Variants in WDR83 observed in about 807,000 individuals in gnomAD.
The protein encoded by WDR83 is WD repeat domain-containing protein 83.
A neutral mutation model predicts 37.7 loss-of-function variants in WDR83; 37 were observed. The ratio of observed to expected loss-of-function variants is 0.98; its 90% CI spans 0.76 to 1.29. The LOEUF is 1.29. Among genes scored for constraint, WDR83 ranks in the 50% most tolerant of loss-of-function variants. WDR83 has a pLI of 0.00. For missense variants in WDR83, 445 were observed against 414.4 expected, an observed-to-expected ratio of 1.07 and a Z score of -0.64; for synonymous variants, 174 against 181.1, an observed-to-expected ratio of 0.96 and a Z score of 0.31.
In WDR83 at chr19:12,670,565, G is replaced by C. The variant is rs564849668; in HGVS notation, c.333G>C (p.Lys111Asn). The C allele has an allele frequency of 1.2e-6, 2 of 1,614,212 alleles. No homozygotes were observed. The highest frequency in any genetic ancestry group is 2.7e-5 in the African/African-American group (2 of 75,066). The change falls in exon 6 of 11, where the codon AAG becomes AAC. Residue 111 changes from lysine (K) to asparagine (N), a missense_variant and splice_region_variant. Lys to Asn is a moderately conservative substitution (Grantham distance 94). Coordinates refer to ENST00000418543, the MANE Select transcript of WDR83 (RefSeq NM_001099737.3). ...VVRKFRGHAG[K>N]VNTVQFNEEA... is the part of the protein sequence containing the mutation. ...CTGAGTGGCAATAACTTTCTCAGAA[G>C]GTGAACACGGTGCAGTTTAATGAAG...
Position 12,669,759 on chromosome 19 carries a change from A to AT in WDR83, c.-29dup. ...GGCGCGGAATTTTCCGTACAGACCGATTTAAGGCTGCAAGGAAGGAGTCCT... is the reference window on the plus strand; with the variant it reads ...GGCGCGGAATTTTCCGTACAGACCGATTTTAAGGCTGCAAGGAAGGAGTCCT... On this transcript the variant is annotated 5_prime_UTR_variant, in exon 3 of 11. An upstream open reading frame in the 5' UTR gains an earlier in-frame stop. Transcript: ENST00000418543. 1 of 1,560,550 alleles carries AT rather than the reference A, an allele frequency of 6.4e-7. No homozygotes were observed. The highest frequency in any genetic ancestry group is 8.7e-7 in the Non-Finnish European group (1 of 1,154,052).
chr19:12,675,591 GC>G lies in WDR83; in HGVS notation c.870del (p.Cys291AlafsTer3). On this transcript the variant is annotated frameshift_variant, in exon 11 of 11. Transcript: ENST00000418543. LOFTEE classifies it high-confidence loss of function. Reference sequence around the variant, plus strand: ...AGTCGCTGGCCTACCACCCAACAGAGCCCTGCCTGCTGACCGCCATGGGAGG... The same window carrying G: ...AGTCGCTGGCCTACCACCCAACAGAGCCTGCCTGCTGACCGCCATGGGAGG... ...VQSLAYHPTE[P>X]CLLTAMGGSV... 6.2e-7 allele frequency: 1 copy of G among 1,605,480 alleles called. No homozygotes were observed.
rs375173130 is a variant in WDR83, at chr19:12,670,335, G to A, written c.330+50G>A. On this transcript the variant is annotated intron_variant, in intron 5 of 10. Coordinates refer to ENST00000418543, the MANE Select transcript of WDR83 (RefSeq NM_001099737.3). ...ATTTGAGTGGAGGGGACCCGTATTA[G>A]CGCATAGGTGGTGACACGGCCACCC... The A allele has an allele frequency of 3.8e-5, 61 of 1,588,226 alleles. No homozygotes were observed. In the African/African-American group the frequency reaches 7.5e-4, roughly 20 times the overall value.
chr19:12,669,600 A>G (rs1258541917), intron 2 of WDR83, 155 bp from the exon 3 acceptor site: 2 of 924,128 alleles, frequency 2.2e-6, no homozygotes, highest in African/African-American at 1.7e-5. Context: ...GAAAATGGGG[A>G]AAAGAACCTG....
chr19:12,668,275 G>T, intron 1 of WDR83: 1 of 1,403,454 alleles, frequency 7.1e-7, no homozygotes, highest in Non-Finnish European at 9.8e-7. Context: ...GTCCAGGATG[G>T]CAGCTGAAGG....
At chr19:12,673,155 T>C (rs2145322339) in intron 9 of WDR83, 39 bp downstream of exon 9, 2 of 1,611,536 alleles carry the variant, frequency 1.2e-6, no homozygotes, top group Non-Finnish European at 1.7e-6. Flanking sequence ...TTCCCTCCTC[T>C]CCCACCCCTG....
intron 2 of WDR83, chr19:12,669,430 C>T (rs866602352): frequency 6.3e-7 from 1 of 1,580,532 alleles, no homozygotes; most frequent in South Asian, 1.1e-5. Context: ...GATCACGCCT[C>T]TTCCGCTGCA....
intron 7 of WDR83, chr19:12,672,637 A>G: frequency 1.7e-6 from 1 of 586,590 alleles, no homozygotes. Context: ...GGGGAATCAG[A>G]AGGACTCCAA....
Position 12,670,775 on chromosome 19 carries a change from G to C in WDR83, c.460G>C (p.Asp154His). 1.2e-6 allele frequency: 2 copies of C among 1,614,192 alleles called. No homozygotes were observed. The highest frequency in any genetic ancestry group is 1.1e-5 in the South Asian group (1 of 91,080). ...AGTGCAGACGCTGGATGAGGCCAGA[G>C]ATGGCGTGTCCAGTGTGAAGGTGTC... The part of the protein sequence containing the change: ...EPVQTLDEAR[D>H]GVSSVKVSDH... Residue 154 changes from aspartate (D) to histidine (H), a missense_variant, in exon 7 of 11, where the codon GAT becomes CAT. Asp to His is a moderately conservative substitution (Grantham distance 81). Transcript: ENST00000418543.
chr19:12,669,701 A>G, intron 2 of WDR83, 54 bp from the exon 3 acceptor site: 1 of 1,347,412 alleles, frequency 7.4e-7, no homozygotes, highest in African/African-American at 1.5e-5. Flanking sequence ...AGGAAGAACA[A>G]TAATAAGGTT....
In WDR83 at chr19:12,669,459, G is replaced by C. The variant is rs549133539; in HGVS notation, c.-36-296G>C. Reference sequence around the variant, plus strand: ...CGCTGCAGGAATCGCAGCTTCCGGCGTGCAAGCTGAGGGCGGATTTTAGAG... The same window carrying C: ...CGCTGCAGGAATCGCAGCTTCCGGCCTGCAAGCTGAGGGCGGATTTTAGAG... On this transcript the variant is annotated intron_variant, in intron 2 of 10. Coordinates refer to ENST00000418543, the MANE Select transcript of WDR83 (RefSeq NM_001099737.3). 3.5e-5 allele frequency: 55 copies of C among 1,556,148 alleles called. 1 individual carries two copies. The highest frequency in any genetic ancestry group is 3.4e-5 in the Non-Finnish European group (39 of 1,148,802).
chr19:12,666,894 G>A lies in WDR83; in HGVS notation c.-255G>A. 1 of 600,202 alleles carries A rather than the reference G, an allele frequency of 1.7e-6. No individual in the cohort carries two copies. Among genetic ancestry groups the A allele is most frequent in the Non-Finnish European group, 2.9e-6 (1 of 341,324 alleles). 37.2% of individuals were successfully genotyped at this position (600,202 alleles called of 1,614,324 possible). On this transcript the variant is annotated 5_prime_UTR_variant, in exon 1 of 11. Transcript: ENST00000418543. ...AAGGTAGGAAAATGCCACCCTCAGG[G>A]CACTGGTTGGGCTAAAGGTGACACT...
chr19:12,669,780 G>A lies in WDR83; in HGVS notation c.-11G>A, dbSNP rs1326906953. 5.7e-6 allele frequency: 9 copies of A among 1,592,326 alleles called. No individual in the cohort carries two copies. In the South Asian group the frequency reaches 1.0e-4, roughly 18 times the overall value. ...ACCGATTTAAGGCTGCAAGGAAGGA[G>A]TCCTGGGAGCATGGCTTTCCCTGAG... On this transcript the variant is annotated 5_prime_UTR_variant, in exon 3 of 11. Transcript: ENST00000418543.
chr19:12,669,107 T>C lies in WDR83; in HGVS notation c.-37+480T>C, dbSNP rs575346683. On this transcript the variant is annotated intron_variant, in intron 2 of 10. Transcript: ENST00000418543. ...TCGTTCTCAGGTCCAACTACACCCA[T>C]AGAAGCTCAACCCCGCCCACCTTAA... 43 of 1,611,878 alleles carry C rather than the reference T, an allele frequency of 2.7e-5. No individual in the cohort carries two copies. In the East Asian group the frequency reaches 8.0e-4, roughly 30 times the overall value.
intron 7 of WDR83, 100 bp from the exon 8 acceptor site, chr19:12,672,747 T>G: frequency 8.2e-7 from 1 of 1,220,708 alleles, no homozygotes; most frequent in South Asian, 1.3e-5. Flanking sequence ...TCCACTCCTG[T>G]GCACTGGAAG....
At chr19:12,674,011 G>T (rs2024496728) in intron 10 of WDR83, among the ~76,000 whole-genome samples, 2 of 152,134 alleles carry the variant, frequency 1.3e-5, no homozygotes, top group African/African-American at 4.8e-5. Context: ...GGGCTAGAGA[G>T]AAGATGAGGC....
chr19:12,668,317 G>C, intron 1 of WDR83, 191 bp from the exon 2 acceptor site: 1 of 1,582,740 alleles, frequency 6.3e-7, no homozygotes, highest in Non-Finnish European at 8.6e-7. Context: ...CCCAGGCCTA[G>C]TGGATAGACA....
At chr19:12,667,348 C>T (rs568163523) in intron 1 of WDR83, among the ~76,000 whole-genome samples, 1 of 152,340 alleles carries the variant, frequency 6.6e-6, no homozygotes, top group African/African-American at 2.4e-5. Context: ...GGCGCAGTGG[C>T]TCAAGCCTGC....
chr19:12,674,145 C>CT (rs1220574505), intron 10 of WDR83, among the ~76,000 whole-genome samples: 2 of 152,212 alleles, frequency 1.3e-5, no homozygotes, highest in African/African-American at 4.8e-5. Context: ...TCAGGCTGGG[C>CT]TGCAGATGCC....
Sources: gnomAD v4.1 joint callset for allele counts (sites outside exome capture counted in the v4.1 genomes callset) on GRCh38, gnomAD v4.1.1 for gene constraint, MANE v1.5 for transcripts, NCBI Gene and HGNC (gene_info 2026-07-23, HGNC 2026-07-21) for gene names.